SLC44A5: variants seen among roughly 807,000 people sequenced by gnomAD.
The protein encoded by SLC44A5 is solute carrier family 44 member 5.
A neutral mutation model predicts 101.8 loss-of-function variants in SLC44A5; 57 were observed. The ratio of observed to expected loss-of-function variants is 0.56; its 90% CI spans 0.45 to 0.70. SLC44A5 has a LOEUF of 0.70. Among genes scored for constraint, SLC44A5 ranks in the 30% least tolerant of loss-of-function variants. SLC44A5 has a pLI of 0.00. For missense variants in SLC44A5, 737 were observed against 853.1 expected, an observed-to-expected ratio of 0.86 and a Z score of 1.70; for synonymous variants, 281 against 290.9, an observed-to-expected ratio of 0.97 and a Z score of 0.35.
the SLC44A5 span, among the ~76,000 whole-genome samples, chr1:75,647,872 G>C: frequency 6.6e-6 from 1 of 152,212 alleles, no homozygotes; most frequent in African/African-American, 2.4e-5. Flanking sequence ...AAGTGGAAGA[G>C]ACTTGCCTTG....
chr1:75,689,067 A>G, the SLC44A5 span, among the ~76,000 whole-genome samples: 2 of 152,118 alleles, frequency 1.3e-5, no homozygotes, highest in Non-Finnish European at 2.9e-5. Flanking sequence ...TTGCTTTTTG[A>G]GAGGACTAAT....
the SLC44A5 span, among the ~76,000 whole-genome samples, chr1:75,716,421 T>C: frequency 5.9e-5 from 9 of 151,970 alleles, no homozygotes; most frequent in African/African-American, 2.2e-4. Flanking sequence ...AAGTGAGCCA[T>C]GATCACGCCG....
At chr1:75,651,068 TA>T in the SLC44A5 span, among the ~76,000 whole-genome samples, 29 of 152,340 alleles carry the variant, frequency 1.9e-4, no homozygotes, top group East Asian at 5.4e-3. Context: ...ATATTTGCCA[TA>T]ATTTAATTGG....
At chr1:75,281,906 T>C (rs373211511) in intron 5 of SLC44A5, among the ~76,000 whole-genome samples, 1 of 152,184 alleles carries the variant, frequency 6.6e-6, no homozygotes, top group African/African-American at 2.4e-5. Flanking sequence ...GGAAACCTCA[T>C]GGAGAACCTC....
chr1:75,488,138 A>C (rs981942790), intron 2 of SLC44A5, among the ~76,000 whole-genome samples: 1 of 152,210 alleles, frequency 6.6e-6, no homozygotes, highest in Non-Finnish European at 1.5e-5. Context: ...CACTGATTCT[A>C]CATGATGATG....
chr1:75,335,658 GAATA>G, intron 4 of SLC44A5, among the ~76,000 whole-genome samples: 1 of 152,292 alleles, frequency 6.6e-6, no homozygotes, highest in Non-Finnish European at 1.5e-5. Flanking sequence ...TTAATAGATT[GAATA>G]AATGTATCAT....
intron 2 of SLC44A5, among the ~76,000 whole-genome samples, chr1:75,405,774 C>A (rs913828027): frequency 1.3e-5 from 2 of 151,316 alleles, no homozygotes; most frequent in African/African-American, 4.9e-5. Context: ...AAAATCAGCA[C>A]CCTAACATCA....
intron 4 of SLC44A5, among the ~76,000 whole-genome samples, chr1:75,301,618 C>T (rs1160722314): frequency 1.3e-5 from 2 of 152,280 alleles, no homozygotes; most frequent in Non-Finnish European, 2.9e-5. Flanking sequence ...GTTGAAGTTA[C>T]ACACTTATTT....
the SLC44A5 span, among the ~76,000 whole-genome samples, chr1:75,628,785 A>G: frequency 6.6e-6 from 1 of 152,168 alleles, no homozygotes. Context: ...GTCATCCTCC[A>G]AACAAGCACT....
At chr1:75,364,688 C>T (rs1335790231) in intron 3 of SLC44A5, among the ~76,000 whole-genome samples, 7 of 152,168 alleles carry the variant, frequency 4.6e-5, no homozygotes, top group Admixed American at 1.3e-4. Flanking sequence ...CCTTTTCTCT[C>T]TCTTCTCCTT....
chr1:75,439,032 G>T (rs944384324), intron 2 of SLC44A5, among the ~76,000 whole-genome samples: 1 of 152,116 alleles, frequency 6.6e-6, no homozygotes, highest in African/African-American at 2.4e-5. Flanking sequence ...ACAACTTGAC[G>T]ATCCCCAGTG....
At chr1:75,453,720 A>AC (rs1666030764) in intron 2 of SLC44A5, among the ~76,000 whole-genome samples, 1 of 152,142 alleles carries the variant, frequency 6.6e-6, no homozygotes, top group Non-Finnish European at 1.5e-5. Flanking sequence ...TGATGACATT[A>AC]CAGCCAATCC....
chr1:75,437,533 G>A (rs1273434063), intron 2 of SLC44A5, among the ~76,000 whole-genome samples: 1 of 152,088 alleles, frequency 6.6e-6, no homozygotes, highest in African/African-American at 2.4e-5. Context: ...TCTGATGTCT[G>A]TATTTAGTCT....
chr1:75,526,828 A>G (rs1021084642), intron 2 of SLC44A5, among the ~76,000 whole-genome samples: 9 of 152,128 alleles, frequency 5.9e-5, no homozygotes, highest in African/African-American at 2.2e-4. Flanking sequence ...ACATTTGACC[A>G]TTTCCTCAAA....
intron 7 of SLC44A5, among the ~76,000 whole-genome samples, chr1:75,243,404 T>G (rs1648826430): frequency 6.6e-6 from 1 of 152,104 alleles, no homozygotes; most frequent in East Asian, 1.9e-4. Context: ...CCCAAAGTGC[T>G]AGGATTACAG....
chr1:75,368,676 A>C (rs1241738636), intron 3 of SLC44A5, among the ~76,000 whole-genome samples: 4 of 145,064 alleles, frequency 2.8e-5, no homozygotes, highest in Non-Finnish European at 6.1e-5. Context: ...CACACACCAC[A>C]CTCAAATTGG....
intron 1 of SLC44A5, among the ~76,000 whole-genome samples, chr1:75,556,906 T>C (rs1379324934): frequency 1.3e-5 from 2 of 151,984 alleles, no homozygotes; most frequent in Admixed American, 6.6e-5. Flanking sequence ...AGTACACTAA[T>C]AGCCAAGACT....
chr1:75,546,196 T>TAAAAGTGGTA (rs1557894326), intron 1 of SLC44A5, among the ~76,000 whole-genome samples: 1 of 6,018 alleles, frequency 1.7e-4, no homozygotes, highest in Non-Finnish European at 3.3e-4. Context: ...TCAAAATTTT[T>TAAAAGTGGTA]TTTTTTTTTT....
chr1:75,638,464 G>T, the SLC44A5 span, among the ~76,000 whole-genome samples: 6 of 152,048 alleles, frequency 3.9e-5, no homozygotes, highest in African/African-American at 1.4e-4. Context: ...ATCAGGAAAA[G>T]TTCAACACTG....
Sources: allele counts gnomAD v4.1 joint callset (sites outside exome capture counted in the v4.1 genomes callset), GRCh38; gene constraint gnomAD v4.1.1; transcripts MANE v1.5; gene names NCBI Gene and HGNC (gene_info 2026-07-23, HGNC 2026-07-21).